Variants in VTI1A observed in about 807,000 individuals in gnomAD.
The protein encoded by VTI1A is vesicle transport through interaction with t-SNAREs 1A, also known as vesicle transport through interaction with t-SNAREs homolog 1A.
VTI1A carries 22 observed loss-of-function variants against 34.9 expected under a neutral mutation model. The observed-to-expected ratio is 0.63, with a 90% CI of 0.45 to 0.90. The LOEUF (loss-of-function observed/expected upper bound fraction) is 0.90, where lower values mean the gene tolerates loss of function less well. Among genes scored for constraint, VTI1A ranks in the 40% least tolerant of loss-of-function variants. The probability of loss-of-function intolerance (pLI) is 0.00; values close to 1 mark genes in which losing one functional copy is unlikely to be tolerated. For synonymous variants in VTI1A, 87 were observed against 97.3 expected (o/e 0.89, Z 0.62); for missense variants, 268 against 275.6 (o/e 0.97, Z 0.20).
intron 5 of VTI1A, among the ~76,000 whole-genome samples, chr10:112,666,184 G>A (rs1025164086): frequency 5.3e-5 from 8 of 152,054 alleles, no homozygotes; most frequent in Admixed American, 3.9e-4. Context: ...CTTCCACTAG[G>A]AGCCACATAT....
chr10:112,605,135 C>A (rs1845025777), intron 5 of VTI1A, among the ~76,000 whole-genome samples: 1 of 152,162 alleles, frequency 6.6e-6, no homozygotes, highest in Non-Finnish European at 1.5e-5. Flanking sequence ...TGATCTTCCC[C>A]CACACTCGGC....
chr10:112,767,324 T>C lies in VTI1A; in HGVS notation c.561-47966T>C, dbSNP rs1442936825. Among the ~76,000 whole-genome samples the C allele has an allele frequency of 1.3e-5, 2 of 152,192 alleles. No individual in the cohort carries two copies. Among genetic ancestry groups the C allele is most frequent in the African/African-American group, 4.8e-5 (2 of 41,432 alleles). ...AACTAGTAAGTGGAGATCCTGGAATTTGAATCCAGCTGGTCTGACCTCAGA... is the reference window on the plus strand; with the variant it reads ...AACTAGTAAGTGGAGATCCTGGAATCTGAATCCAGCTGGTCTGACCTCAGA... On this transcript the variant is annotated intron_variant, in intron 7 of 7. Coordinates refer to ENST00000393077, the MANE Select transcript of VTI1A (RefSeq NM_145206.4). The surrounding 1 kb of genome is among the most constrained non-coding windows in gnomAD (Gnocchi z 4.0).
the VTI1A span, among the ~76,000 whole-genome samples, chr10:112,835,467 C>A: frequency 0.083 from 12,570 of 152,228 alleles, 710 homozygotes; most frequent in East Asian, 0.23. Flanking sequence ...AATGAAGCTG[C>A]TGTACAAGCC....
intron 2 of VTI1A, among the ~76,000 whole-genome samples, chr10:112,460,978 A>G (rs1174374482): frequency 3.3e-5 from 5 of 152,176 alleles, no homozygotes; most frequent in South Asian, 2.1e-4. Flanking sequence ...ATTTTCTGCT[A>G]TTTGCAAACT....
chr10:112,570,668 A>G (rs892847329), intron 5 of VTI1A, among the ~76,000 whole-genome samples: 4 of 152,260 alleles, frequency 2.6e-5, no homozygotes, highest in Non-Finnish European at 4.4e-5. Flanking sequence ...CTCTGTGCAT[A>G]CATCTCGGAA....
intron 5 of VTI1A, among the ~76,000 whole-genome samples, chr10:112,549,995 A>G (rs1201064795): frequency 6.6e-6 from 1 of 152,172 alleles, no homozygotes; most frequent in Admixed American, 6.5e-5. Flanking sequence ...GTAAGAAAAG[A>G]ATGTCATTTA....
At chr10:112,551,661 G>C (rs954848294) in intron 5 of VTI1A, among the ~76,000 whole-genome samples, 3 of 152,150 alleles carry the variant, frequency 2.0e-5, no homozygotes, top group African/African-American at 7.2e-5. Context: ...AAAATAAATA[G>C]CTATAGATTC....
intron 5 of VTI1A, among the ~76,000 whole-genome samples, chr10:112,568,157 G>GGA: frequency 6.6e-6 from 1 of 151,040 alleles, no homozygotes; most frequent in African/African-American, 2.4e-5. Context: ...TCTGGACAGA[G>GGA]AAAAAAAAAT....
intron 2 of VTI1A, among the ~76,000 whole-genome samples, chr10:112,464,263 G>A (rs1396831170): frequency 6.6e-6 from 1 of 152,270 alleles, no homozygotes; most frequent in Admixed American, 6.5e-5. Flanking sequence ...CTCCCAAAGT[G>A]TTGGGATGAT....
chr10:112,763,988 T>G (rs1231143359), intron 7 of VTI1A, among the ~76,000 whole-genome samples: 3 of 152,154 alleles, frequency 2.0e-5, no homozygotes, highest in Non-Finnish European at 4.4e-5. Context: ...ATGTACAGTT[T>G]CAGGGAGAGA....
At chr10:112,820,184 A>T (rs541986306), downstream of VTI1A, among the ~76,000 whole-genome samples, 1 of 152,342 alleles carries the variant, frequency 6.6e-6, no homozygotes, top group African/African-American at 2.4e-5. Context: ...TCAATCCAGG[A>T]TAAATTAGCC....
At chr10:112,447,496 T>G (rs576993605) in intron 1 of VTI1A, 29 bp downstream of exon 1, 32 of 1,609,628 alleles carry the variant, frequency 2.0e-5, no homozygotes, top group South Asian at 2.0e-4. Flanking sequence ...TGGACGAGGG[T>G]GCTGGGGAGA....
At chr10:112,604,870 A>G (rs1376433054) in intron 5 of VTI1A, among the ~76,000 whole-genome samples, 1 of 152,074 alleles carries the variant, frequency 6.6e-6, no homozygotes, top group Non-Finnish European at 1.5e-5. Flanking sequence ...ATGAAGTATT[A>G]CTCTCATTTA....
At chr10:112,564,117 GTT>G (rs747104298) in intron 5 of VTI1A, among the ~76,000 whole-genome samples, 13 of 136,596 alleles carry the variant, frequency 9.5e-5, no homozygotes, top group South Asian at 2.4e-4. Context: ...CCTGAAAATA[GTT>G]TTTTTTTTTT....
At chr10:112,548,603 T>C (rs956502215) in intron 5 of VTI1A, 31 of 889,160 alleles carry the variant, frequency 3.5e-5, no homozygotes, top group Non-Finnish European at 5.2e-5. Flanking sequence ...GTATTATTCA[T>C]TGAATAATGA....
At chr10:112,585,250 A>T (rs1439470591) in intron 5 of VTI1A, among the ~76,000 whole-genome samples, 1 of 152,318 alleles carries the variant, frequency 6.6e-6, no homozygotes, top group South Asian at 2.1e-4. Context: ...ACTGTTATGA[A>T]TCACTCCAGC....
chr10:112,651,235 A>G (rs2133801282), intron 5 of VTI1A, among the ~76,000 whole-genome samples: 1 of 152,358 alleles, frequency 6.6e-6, no homozygotes, highest in Non-Finnish European at 1.5e-5. Flanking sequence ...TATTTTAAAT[A>G]TGACAAAATA....
chr10:112,583,829 T>G (rs1034013518), intron 5 of VTI1A, among the ~76,000 whole-genome samples: 2 of 152,284 alleles, frequency 1.3e-5, no homozygotes, highest in Middle Eastern at 3.4e-3. Flanking sequence ...TTGAAAAGAA[T>G]GAACAAAAGT....
At chr10:112,690,986 G>A (rs905877953) in intron 7 of VTI1A, among the ~76,000 whole-genome samples, 3 of 152,152 alleles carry the variant, frequency 2.0e-5, no homozygotes, top group Non-Finnish European at 2.9e-5. Flanking sequence ...AAGTCCCATA[G>A]TTCGATCAAA....
Sources: allele counts gnomAD v4.1 joint callset (sites outside exome capture counted in the v4.1 genomes callset), GRCh38; gene constraint gnomAD v4.1.1; non-coding constraint Gnocchi (gnomAD v3.1); transcripts MANE v1.5; gene names NCBI Gene and HGNC (gene_info 2026-07-23, HGNC 2026-07-21).